Variants in PRKAR2A observed in about 807,000 individuals in gnomAD.
PRKAR2A encodes protein kinase cAMP-dependent type II regulatory subunit alpha.
A neutral mutation model predicts 51.9 loss-of-function variants in PRKAR2A; 29 were observed. The observed-to-expected ratio is 0.56, with a 90% CI of 0.42 to 0.76. PRKAR2A has a LOEUF of 0.76. Among genes scored for constraint, PRKAR2A ranks in the 30% least tolerant of loss-of-function variants. The pLI, the probability that PRKAR2A is intolerant of heterozygous loss-of-function variation, is 0.00. For synonymous variants in PRKAR2A, 178 were observed against 186.2 expected (o/e 0.96, Z 0.36); for missense variants, 445 against 512.1 (o/e 0.87, Z 1.26).
rs2081630253 is a variant in PRKAR2A at position 48,750,413 on chromosome 3, C to T, written c.*1172G>A. 6.6e-6 allele frequency: 1 copy of T among 152,328 alleles called. No individual in the cohort carries two copies. Among genetic ancestry groups the T allele is most frequent in the Non-Finnish European group, 1.5e-5 (1 of 68,202 alleles). 9.4% of individuals were successfully genotyped at this position (152,328 alleles called of 1,614,324 possible). ...TTGTTTTTGTAGAGACAGGATCTCA[C>T]TCTGTTGCCTAGGCTGGTCTTAAGC... On this transcript the variant is annotated 3_prime_UTR_variant, in exon 11 of 11. Transcript: ENST00000265563.
intron 1 of PRKAR2A, among the ~76,000 whole-genome samples, chr3:48,829,765 C>T (rs528321410): frequency 1.3e-4 from 17 of 126,782 alleles, no homozygotes; most frequent in African/African-American, 1.5e-4. Flanking sequence ...TATATACATA[C>T]GTATATATAC....
chr3:48,822,298 T>C (rs1267855626), intron 1 of PRKAR2A, among the ~76,000 whole-genome samples: 1 of 151,526 alleles, frequency 6.6e-6, no homozygotes, highest in Non-Finnish European at 1.5e-5. Flanking sequence ...GCATGGGGTA[T>C]AAATATGGTG....
chr3:48,826,533 G>A (rs1173300901), intron 1 of PRKAR2A, among the ~76,000 whole-genome samples: 5 of 151,908 alleles, frequency 3.3e-5, no homozygotes, highest in African/African-American at 2.4e-5. Context: ...TTTTACTGGC[G>A]TTTCCTAACA....
chr3:48,795,271 C>T (rs1304080004), intron 2 of PRKAR2A, among the ~76,000 whole-genome samples: 1 of 152,006 alleles, frequency 6.6e-6, no homozygotes, highest in Non-Finnish European at 1.5e-5. Flanking sequence ...CCGCGACTAG[C>T]CTGAGGAAAC....
At chr3:48,769,208 A>T (rs1451376171) in intron 6 of PRKAR2A, among the ~76,000 whole-genome samples, 1 of 139,964 alleles carries the variant, frequency 7.1e-6, no homozygotes, top group Non-Finnish European at 1.5e-5. Flanking sequence ...CCCAGGCTGG[A>T]GTGCAGTGGC....
In PRKAR2A at chr3:48,758,560, G is replaced by A. The variant is rs567321249; in HGVS notation, c.874-2116C>T. 1.7e-4 allele frequency among the ~76,000 whole-genome samples: 25 copies of A among 148,506 alleles called. No homozygotes were observed. The South Asian group carries it at 3.2e-3, about 19-fold the overall frequency. ...ATTGTGCCACTGCACTCCAGCCTGGGCGACAGAGCAAGACTGTCTCAAAAA... is the reference window on the plus strand; with the variant it reads ...ATTGTGCCACTGCACTCCAGCCTGGACGACAGAGCAAGACTGTCTCAAAAA... On this transcript the variant is annotated intron_variant, in intron 8 of 10. Transcript: ENST00000265563.
At chr3:48,762,462 A>T (rs1003390676) in intron 8 of PRKAR2A, among the ~76,000 whole-genome samples, 1 of 152,112 alleles carries the variant, frequency 6.6e-6, no homozygotes, top group African/African-American at 2.4e-5. Flanking sequence ...CATTTCTACT[A>T]AAAAAACACA....
At chr3:48,759,351 G>T (rs146081868) in intron 8 of PRKAR2A, among the ~76,000 whole-genome samples, 1 of 151,746 alleles carries the variant, frequency 6.6e-6, no homozygotes, top group East Asian at 1.9e-4. Flanking sequence ...TACCCAGTTG[G>T]AAAAGAGAGC....
chr3:48,839,928 G>T (rs1468252568), intron 1 of PRKAR2A, among the ~76,000 whole-genome samples: 2 of 152,082 alleles, frequency 1.3e-5, no homozygotes, highest in East Asian at 3.9e-4. Context: ...GTGTCATTAA[G>T]TACATACATT....
chr3:48,822,716 A>G (rs2082987493), intron 1 of PRKAR2A, among the ~76,000 whole-genome samples: 1 of 151,234 alleles, frequency 6.6e-6, no homozygotes, highest in Non-Finnish European at 1.5e-5. Flanking sequence ...ATGATGCCCC[A>G]GGATGTTGTT....
At chr3:48,831,475 TCCCA>T (rs1460658205) in intron 1 of PRKAR2A, among the ~76,000 whole-genome samples, 1 of 151,808 alleles carries the variant, frequency 6.6e-6, no homozygotes, top group Non-Finnish European at 1.5e-5. Flanking sequence ...CAAGTTATCT[TCCCA>T]CCTCAGCCTC....
At chr3:48,780,602 CAAAAA>C (rs568780150) in intron 5 of PRKAR2A, among the ~76,000 whole-genome samples, 1 of 49,358 alleles carries the variant, frequency 2.0e-5, no homozygotes, top group Admixed American at 2.1e-4. Context: ...GACTCCGTCT[CAAAAA>C]AAAAAAAAAA....
intron 1 of PRKAR2A, among the ~76,000 whole-genome samples, chr3:48,815,612 G>A (rs937190848): frequency 1.3e-5 from 2 of 151,094 alleles, no homozygotes; most frequent in African/African-American, 4.9e-5. Flanking sequence ...AGAATCGCTT[G>A]AACCTGGGAG....
chr3:48,745,320 C>A (rs2081552339), downstream of PRKAR2A, among the ~76,000 whole-genome samples: 1 of 152,028 alleles, frequency 6.6e-6, no homozygotes, highest in Non-Finnish European at 1.5e-5. Flanking sequence ...CAGGTGTGAG[C>A]CACCATACCC....
At chr3:48,754,730 G>T (rs923209091) in intron 9 of PRKAR2A, among the ~76,000 whole-genome samples, 1 of 151,458 alleles carries the variant, frequency 6.6e-6, no homozygotes, top group Admixed American at 6.6e-5. Flanking sequence ...CTGAGATCAC[G>T]CCACTGCACT....
intron 1 of PRKAR2A, among the ~76,000 whole-genome samples, chr3:48,820,842 C>T (rs542619511): frequency 3.7e-4 from 56 of 152,224 alleles, no homozygotes; most frequent in Non-Finnish European, 7.6e-4. Context: ...AAAAAGTGAG[C>T]TTGACTCATG....
intron 1 of PRKAR2A, among the ~76,000 whole-genome samples, chr3:48,832,316 A>C (rs1038241095): frequency 2.6e-5 from 4 of 151,828 alleles, no homozygotes; most frequent in African/African-American, 9.7e-5. Context: ...AAAAACAAAA[A>C]AAAACAAAAC....
chr3:48,756,684 G>A (rs1333858667), intron 8 of PRKAR2A, among the ~76,000 whole-genome samples: 1 of 152,120 alleles, frequency 6.6e-6, no homozygotes, highest in African/African-American at 2.4e-5. Flanking sequence ...AGTCAGGCAT[G>A]CAGATATACG....
intron 4 of PRKAR2A, among the ~76,000 whole-genome samples, chr3:48,786,360 G>C (rs1002242146): frequency 2.0e-5 from 3 of 150,158 alleles, no homozygotes; most frequent in African/African-American, 7.3e-5. Context: ...CCTGACTTCA[G>C]GTGATCTGCC....
Sources: allele counts gnomAD v4.1 joint callset (sites outside exome capture counted in the v4.1 genomes callset), GRCh38; gene constraint gnomAD v4.1.1; transcripts MANE v1.5; gene names NCBI Gene and HGNC (gene_info 2026-07-23, HGNC 2026-07-21).